PTP4A3: variants seen among roughly 807,000 people sequenced by gnomAD.
PTP4A3 encodes protein tyrosine phosphatase 4A3, also known as protein tyrosine phosphatase type IVA 3.
In PTP4A3, 9 loss-of-function variants were observed where a neutral mutation model predicts 15.2. That is an observed-to-expected ratio of 0.59 (90% confidence interval 0.36 to 1.03). PTP4A3 has a LOEUF of 1.03. Among genes scored for constraint, PTP4A3 ranks in the 50% least tolerant of loss-of-function variants. The probability of loss-of-function intolerance (pLI) is 0.02; values close to 1 mark genes in which losing one functional copy is unlikely to be tolerated. For missense variants in PTP4A3, 234 were observed against 252.1 expected, an observed-to-expected ratio of 0.93 and a Z score of 0.49; for synonymous variants, 95 against 102.0, an observed-to-expected ratio of 0.93 and a Z score of 0.41.
At chr8:141,420,629 C>T (rs1833285874) in intron 1 of PTP4A3, among the ~76,000 whole-genome samples, 1 of 152,212 alleles carries the variant, frequency 6.6e-6, no homozygotes, top group African/African-American at 2.4e-5. Flanking sequence ...GATGGCTGGC[C>T]CATTGGCGTG....
At chr8:141,413,193 C>T (rs372475152) in intron 1 of PTP4A3, among the ~76,000 whole-genome samples, 6 of 152,226 alleles carry the variant, frequency 3.9e-5, no homozygotes, top group African/African-American at 1.4e-4. Context: ...GAGGCCAGAT[C>T]AGGGGCCTCC....
At chr8:141,424,792 TTGG>T (rs1463071879) in intron 2 of PTP4A3, among the ~76,000 whole-genome samples, 2 of 152,076 alleles carry the variant, frequency 1.3e-5, no homozygotes, top group Admixed American at 6.5e-5. Flanking sequence ...AAGTCCACTC[TTGG>T]TGGACCTCAC....
intron 1 of PTP4A3, among the ~76,000 whole-genome samples, chr8:141,397,648 T>C (rs1832486277): frequency 6.6e-6 from 1 of 152,164 alleles, no homozygotes; most frequent in Non-Finnish European, 1.5e-5. Context: ...GAACCCTGCC[T>C]TGGGGCCTGA....
rs754424075 is a variant in PTP4A3 at position 141,425,186 on chromosome 8, G to A, written c.198+46G>A. 6 of 1,438,514 alleles carry A rather than the reference G, an allele frequency of 4.2e-6. No homozygotes were observed. Among genetic ancestry groups the A allele is most frequent in the African/African-American group, 1.4e-5 (1 of 71,322 alleles). The allele number at this position is 1,438,514 out of a possible 1,614,324, so 89.1% of individuals were successfully genotyped here. The stretch of plus-strand genomic sequence containing the variant: ...ACCCTAGTCACTGCTGCCACCGGGG[G>A]AGGGTGGGGCGGGGGGCTCCGGGCC... On this transcript the variant is annotated intron_variant, in intron 3 of 5. Transcript: ENST00000521578. The surrounding 1 kb of genome is among the most constrained non-coding windows in gnomAD (Gnocchi z 4.2).
rs562083742 is a variant in PTP4A3, at chr8:141,414,628, G to C, written c.-853-6760G>C. ...TTGGGAAGAGCCCTGGACTGGGGGG[G>C]GGGTAGGGACTGTTGGGCAGCCCCA... On this transcript the variant is annotated intron_variant, in intron 1 of 5. Transcript: ENST00000521578. Among the ~76,000 whole-genome samples, 31 of 151,830 alleles carry C rather than the reference G, an allele frequency of 2.0e-4. 1 individual carries two copies. Among genetic ancestry groups the C allele is most frequent in the African/African-American group, 4.4e-4 (18 of 41,284 alleles).
intron 1 of PTP4A3, among the ~76,000 whole-genome samples, chr8:141,399,420 CAG>C (rs1478438228): frequency 1.3e-5 from 2 of 151,512 alleles, no homozygotes; most frequent in Non-Finnish European, 3.0e-5. Flanking sequence ...GTGTGGAGCT[CAG>C]GGGGTCCCTG....
chr8:141,429,018 T>C (rs1833720202), intron 5 of PTP4A3, among the ~76,000 whole-genome samples: 2 of 152,244 alleles, frequency 1.3e-5, no homozygotes. Context: ...GCTTTTGCTG[T>C]GTGGCTCCCC....
intron 1 of PTP4A3, among the ~76,000 whole-genome samples, chr8:141,402,837 C>T (rs889231430): frequency 6.6e-6 from 1 of 152,052 alleles, no homozygotes; most frequent in Non-Finnish European, 1.5e-5. Flanking sequence ...GCCTGGCAAG[C>T]ATCCCCAGCC....
intron 4 of PTP4A3, 96 bp from the exon 5 acceptor site, chr8:141,427,654 C>T: frequency 1.8e-6 from 2 of 1,093,192 alleles, no homozygotes; most frequent in Non-Finnish European, 2.6e-6. Context: ...TTCTGGGCCC[C>T]TTGGGCCCCC....
intron 5 of PTP4A3, among the ~76,000 whole-genome samples, chr8:141,430,673 GAGCCCAGAGTC>G (rs1327332450): frequency 1.3e-5 from 2 of 152,180 alleles, no homozygotes. Context: ...GGGCCGTAGG[GAGCCCAGAGTC>G]AGCCTGGAGG....
intron 2 of PTP4A3, 121 bp from the exon 3 acceptor site, chr8:141,424,927 T>C (rs964748846): frequency 9.7e-6 from 8 of 823,044 alleles, no homozygotes; most frequent in African/African-American, 8.5e-5. Flanking sequence ...AGGGGACATG[T>C]CCAAGTCCTG....
At chr8:141,420,261 G>A (rs1052190107) in intron 1 of PTP4A3, among the ~76,000 whole-genome samples, 1 of 152,150 alleles carries the variant, frequency 6.6e-6, no homozygotes, top group African/African-American at 2.4e-5. Context: ...GGGCTGGAGA[G>A]TCTGCTAACA....
intron 1 of PTP4A3, among the ~76,000 whole-genome samples, chr8:141,409,480 C>T (rs575042251): frequency 2.6e-5 from 4 of 152,326 alleles, no homozygotes; most frequent in Non-Finnish European, 5.9e-5. Context: ...CTCCTGCCCA[C>T]CCCTTCTGGG....
intron 1 of PTP4A3, among the ~76,000 whole-genome samples, chr8:141,419,178 T>C (rs993312882): frequency 6.6e-6 from 1 of 152,074 alleles, no homozygotes; most frequent in African/African-American, 2.4e-5. Flanking sequence ...TCCCTCCCAG[T>C]AGCCTGCAGC....
intron 1 of PTP4A3, among the ~76,000 whole-genome samples, chr8:141,395,374 C>T (rs938756863): frequency 1.3e-5 from 2 of 152,332 alleles, no homozygotes; most frequent in East Asian, 1.9e-4. Flanking sequence ...GGTGGGGCAT[C>T]GCTTCCCGCC....
At chr8:141,402,022 T>C (rs991951628) in intron 1 of PTP4A3, among the ~76,000 whole-genome samples, 2 of 152,106 alleles carry the variant, frequency 1.3e-5, no homozygotes, top group African/African-American at 4.8e-5. Flanking sequence ...TCCCCTGATA[T>C]CACACAAGCC....
At chr8:141,394,973 G>A (rs1353388145) in intron 1 of PTP4A3, among the ~76,000 whole-genome samples, 1 of 152,238 alleles carries the variant, frequency 6.6e-6, no homozygotes, top group Non-Finnish European at 1.5e-5. Context: ...GGGTAGGCCA[G>A]CCTCCCTGGA....
At chr8:141,399,831 A>G (rs1218694544) in intron 1 of PTP4A3, among the ~76,000 whole-genome samples, 1 of 152,206 alleles carries the variant, frequency 6.6e-6, no homozygotes, top group African/African-American at 2.4e-5. Flanking sequence ...GGGACGTGCA[A>G]TGGCAGCACT....
At position 141,431,141 on chromosome 8, in the gene PTP4A3, C is replaced by G. The variant is rs1456693953; in HGVS notation, c.*97C>G. ...CCTGCTCTGCCCAGCCCAGCAGGGG[C>G]TCCAGGCCTTGGCTGGCCCCACATC... On this transcript the variant is annotated 3_prime_UTR_variant, in exon 6 of 6. Transcript: ENST00000521578. 1 of 1,205,090 alleles carries G rather than the reference C, an allele frequency of 8.3e-7. No individual in the cohort carries two copies. Among genetic ancestry groups the G allele is most frequent in the Middle Eastern group, 1.9e-4 (1 of 5,164 alleles). 74.6% of individuals were successfully genotyped at this position (1,205,090 alleles called of 1,614,324 possible). A position where few individuals can be genotyped will look rare whatever the true frequency, so the allele number is the denominator to read the frequency against.
Sources: gnomAD v4.1 joint callset for allele counts (sites outside exome capture counted in the v4.1 genomes callset) on GRCh38, gnomAD v4.1.1 for gene constraint, Gnocchi (gnomAD v3.1) non-coding constraint, MANE v1.5 for transcripts, NCBI Gene and HGNC (gene_info 2026-07-23, HGNC 2026-07-21) for gene names.